Variants in PACS1 observed in about 807,000 individuals in gnomAD.
PACS1 encodes PACS-1.
Under a neutral mutation model 115.0 loss-of-function variants are expected in PACS1, and 24 were observed. That is an observed-to-expected ratio of 0.21 (90% CI 0.15 to 0.29). PACS1 has a LOEUF of 0.29. Ranked by LOEUF, PACS1 falls within the 10% of genes least tolerant of loss-of-function variation. The pLI is 1.00. For synonymous variants in PACS1, 453 were observed against 504.5 expected (o/e 0.90, Z 1.37); for missense variants, 838 against 1,251.2 (o/e 0.67, Z 4.98).
chr11:66,158,524 T>C (rs929825010), intron 1 of PACS1, among the ~76,000 whole-genome samples: 3 of 152,142 alleles, frequency 2.0e-5, no homozygotes, highest in Non-Finnish European at 4.4e-5. Flanking sequence ...ATGGTGATGA[T>C]ACCCTGTCTC....
chr11:66,115,230 C>T, intron 1 of PACS1, among the ~76,000 whole-genome samples: 1 of 130,174 alleles, frequency 7.7e-6, no homozygotes, highest in East Asian at 2.5e-4. Context: ...AAAAAAAAAA[C>T]TAGAACAGTG....
chr11:66,220,100 G>A (rs1226447274), intron 8 of PACS1, among the ~76,000 whole-genome samples: 2 of 152,102 alleles, frequency 1.3e-5, no homozygotes, highest in African/African-American at 4.8e-5. Context: ...ATGCTGCTGC[G>A]GTTGTCACTT....
intron 1 of PACS1, chr11:66,100,977 A>T (rs1857904551): frequency 2.2e-6 from 1 of 451,710 alleles, no homozygotes; most frequent in South Asian, 1.6e-5. Flanking sequence ...ACATGGCCTC[A>T]TTTCTACTGC....
intron 1 of PACS1, among the ~76,000 whole-genome samples, chr11:66,183,562 A>ATT (rs750708867): frequency 2.6e-5 from 4 of 152,152 alleles, no homozygotes; most frequent in South Asian, 4.1e-4. Context: ...TGTTCCTTGC[A>ATT]TTTATCTGCT....
chr11:66,121,643 A>C (rs1340111362), intron 1 of PACS1, among the ~76,000 whole-genome samples: 4 of 152,230 alleles, frequency 2.6e-5, no homozygotes, highest in Non-Finnish European at 4.4e-5. Context: ...AAAGCAAAAC[A>C]ACCTTATTGC....
At chr11:66,167,132 C>T (rs527259171) in intron 1 of PACS1, among the ~76,000 whole-genome samples, 4 of 150,044 alleles carry the variant, frequency 2.7e-5, no homozygotes, top group Admixed American at 6.6e-5. Flanking sequence ...TTTGCATTTC[C>T]CCGATTCCTA....
chr11:66,075,042 G>A (rs2452683), intron 1 of PACS1, among the ~76,000 whole-genome samples: 12,360 of 142,662 alleles, frequency 0.087, 842 homozygotes, highest in African/African-American at 0.21. Flanking sequence ...TCCCAGGTTC[G>A]CTCCATTCTC....
chr11:66,105,339 C>T (rs575908999), intron 1 of PACS1, among the ~76,000 whole-genome samples: 1 of 152,278 alleles, frequency 6.6e-6, no homozygotes, highest in East Asian at 1.9e-4. Flanking sequence ...GGGAAAATCG[C>T]TTGAACCGGG....
intron 2 of PACS1, among the ~76,000 whole-genome samples, chr11:66,194,015 G>A (rs1854590473): frequency 2.0e-5 from 3 of 152,206 alleles, no homozygotes; most frequent in African/African-American, 7.2e-5. Context: ...CCAGGCTGGA[G>A]TGCAGTGGCG....
chr11:66,074,699 T>A (rs927986444), intron 1 of PACS1, among the ~76,000 whole-genome samples: 8 of 152,102 alleles, frequency 5.3e-5, no homozygotes, highest in Non-Finnish European at 8.8e-5. Flanking sequence ...ACATTTTTTT[T>A]AAGTGGGTGC....
intron 1 of PACS1, among the ~76,000 whole-genome samples, chr11:66,110,023 C>T (rs1858150131): frequency 6.6e-6 from 1 of 152,130 alleles, no homozygotes; most frequent in Non-Finnish European, 1.5e-5. Context: ...ATTTCTTTTT[C>T]CCCTCTCAAC....
At chr11:66,205,526 A>G (rs1854914761) in intron 2 of PACS1, among the ~76,000 whole-genome samples, 1 of 151,926 alleles carries the variant, frequency 6.6e-6, no homozygotes, top group South Asian at 2.1e-4. Context: ...TACCCCATAA[A>G]TATATATGCC....
intron 13 of PACS1, among the ~76,000 whole-genome samples, chr11:66,231,588 A>G (rs1185725157): frequency 1.3e-5 from 2 of 152,186 alleles, no homozygotes; most frequent in African/African-American, 4.8e-5. Context: ...TAACTTACCA[A>G]GTGCATTGTC....
In PACS1 at chr11:66,211,190, A is replaced by G. The variant is rs1255194833; in HGVS notation, c.591A>G (p.Arg197=). The G allele has an allele frequency of 2.5e-6, 4 of 1,613,738 alleles. No individual in the cohort carries two copies. The highest frequency in any genetic ancestry group is 2.7e-5 in the African/African-American group (2 of 74,902). ...ANKLQIMLQR[R]KRYKNRTILG... Reference sequence around the variant, plus strand: ...AGCTGCAGATCATGCTGCAAAGGAGAAAACGTTACAAGAATCGGACCATCT... The same window carrying G: ...AGCTGCAGATCATGCTGCAAAGGAGGAAACGTTACAAGAATCGGACCATCT... Residue 197 remains arginine (R), a synonymous_variant, in exon 4 of 24, where the codon AGA becomes AGG. Transcript: ENST00000320580.
chr11:66,166,355 CCAGGCTCTCTCGAACTCCTGACCT>C (rs780040237), intron 1 of PACS1, among the ~76,000 whole-genome samples: 8 of 152,152 alleles, frequency 5.3e-5, no homozygotes, highest in Non-Finnish European at 1.5e-5. Context: ...ACCATGTTGG[CCAGGCTCTCTCGAACTCCTGACCT>C]CAGGTGATCC....
At chr11:66,122,750 G>A (rs1353094831) in intron 1 of PACS1, among the ~76,000 whole-genome samples, 1 of 152,220 alleles carries the variant, frequency 6.6e-6, no homozygotes, top group Non-Finnish European at 1.5e-5. Context: ...CTGAATTGCT[G>A]TAATCTCGAG....
chr11:66,157,322 G>A (rs1388050879), intron 1 of PACS1, among the ~76,000 whole-genome samples: 1 of 152,186 alleles, frequency 6.6e-6, no homozygotes, highest in Non-Finnish European at 1.5e-5. Flanking sequence ...AAACTGAAAT[G>A]TAGGTGCATA....
intron 13 of PACS1, among the ~76,000 whole-genome samples, chr11:66,231,629 A>T (rs1855596750): frequency 6.6e-6 from 1 of 152,066 alleles, no homozygotes; most frequent in Non-Finnish European, 1.5e-5. Flanking sequence ...ATGCTATTAC[A>T]TGGCTGAAAA....
intron 1 of PACS1, among the ~76,000 whole-genome samples, chr11:66,092,903 G>GT (rs1857693655): frequency 6.6e-6 from 1 of 152,132 alleles, no homozygotes; most frequent in Non-Finnish European, 1.5e-5. Flanking sequence ...GTACCATGCT[G>GT]TTTCGGTTAC....
Sources: allele counts gnomAD v4.1 joint callset (sites outside exome capture counted in the v4.1 genomes callset), GRCh38; gene constraint gnomAD v4.1.1; transcripts MANE v1.5; gene names NCBI Gene and HGNC (gene_info 2026-07-23, HGNC 2026-07-21).